OLFM2: variants seen among roughly 807,000 people sequenced by gnomAD.
OLFM2 encodes noelin-2.
OLFM2 carries 20 observed loss-of-function variants against 43.9 expected under a neutral mutation model. That is an observed-to-expected ratio of 0.46 (90% CI 0.32 to 0.66). OLFM2 has a LOEUF of 0.66. Among genes scored for constraint, OLFM2 ranks in the 30% least tolerant of loss-of-function variants. OLFM2 has a pLI of 0.04. For synonymous variants in OLFM2, 268 were observed against 278.6 expected (o/e 0.96, Z 0.38); for missense variants, 416 against 643.6 (o/e 0.65, Z 3.83).
At position 9,854,636 on chromosome 19, in the gene OLFM2, C is replaced by T. The variant is rs978870042; in HGVS notation, c.915G>A (p.Pro305=). 23 of 1,614,000 alleles carry T rather than the reference C, an allele frequency of 1.4e-5. No homozygotes were observed. Among genetic ancestry groups the T allele is most frequent in the South Asian group, 1.2e-4 (11 of 91,082 alleles). The change falls in exon 6 of 6, where the codon CCG becomes CCA. Residue 305 remains proline (P), a synonymous_variant. Transcript: ENST00000264833. This position sits in a 1 kb window ranked among gnomAD's most constrained non-coding sequence, Gnocchi z 9.5. ...SRSVLVQRSL[P]GAGYNNTFPY... is the part of the protein sequence containing the mutation. ...GGAAGGTGTTGTTGTAACCGGCGCC[C>T]GGGAGGCTCCTCTGCACCAGCACAG...
chr19:9,862,759 G>A lies in OLFM2; in HGVS notation c.64-1965C>T, dbSNP rs531682055. ...GGAAGTGGAGGCAGGTGGATCACCT[G>A]AGGTCAGGAGTTCCAGACCAGCTTA... On this transcript the variant is annotated intron_variant, in intron 1 of 5. Coordinates refer to ENST00000264833, the MANE Select transcript of OLFM2 (RefSeq NM_058164.4). Among the ~76,000 whole-genome samples, 6 of 152,150 alleles carry A rather than the reference G, an allele frequency of 3.9e-5. No individual in the cohort carries two copies. The South Asian group carries it at 6.2e-4, about 16-fold the overall frequency.
intron 1 of OLFM2, among the ~76,000 whole-genome samples, chr19:9,895,776 C>T (rs1447523018): frequency 6.6e-6 from 1 of 152,104 alleles, no homozygotes; most frequent in African/African-American, 2.4e-5. Context: ...GCTGGGATTA[C>T]AGGCCCACGC....
chr19:9,935,398 C>G (rs1388823901), intron 1 of OLFM2, among the ~76,000 whole-genome samples: 1 of 152,094 alleles, frequency 6.6e-6, no homozygotes, highest in Admixed American at 6.6e-5. Flanking sequence ...TTGCAAGCCT[C>G]CCTGAGCCTG....
intron 1 of OLFM2, among the ~76,000 whole-genome samples, chr19:9,867,208 TA>T (rs2046408579): frequency 6.6e-6 from 1 of 152,008 alleles, no homozygotes; most frequent in South Asian, 2.1e-4. Context: ...CCATCTCTAC[TA>T]AAAATACAAA....
intron 1 of OLFM2, among the ~76,000 whole-genome samples, chr19:9,874,201 C>T (rs1254964123): frequency 2.0e-5 from 3 of 152,126 alleles, no homozygotes; most frequent in African/African-American, 4.8e-5. Context: ...CAGGATCCCA[C>T]GTTACACTCA....
chr19:9,923,283 G>T (rs757613628), intron 1 of OLFM2, among the ~76,000 whole-genome samples: 3 of 151,740 alleles, frequency 2.0e-5, no homozygotes, highest in Admixed American at 6.6e-5. Context: ...AGCTGGGCAC[G>T]GTGGCTCATG....
chr19:9,917,340 T>A (rs979729883), intron 1 of OLFM2, among the ~76,000 whole-genome samples: 1 of 152,096 alleles, frequency 6.6e-6, no homozygotes, highest in African/African-American at 2.4e-5. Flanking sequence ...TTCCCGGTCC[T>A]TTATTTAATT....
chr19:9,899,492 C>A (rs1241190691), intron 1 of OLFM2, among the ~76,000 whole-genome samples: 1 of 152,110 alleles, frequency 6.6e-6, no homozygotes, highest in Non-Finnish European at 1.5e-5. Flanking sequence ...AAGAGCTTAC[C>A]CCAGTGACCC....
chr19:9,862,410 G>C (rs1033429006), intron 1 of OLFM2, among the ~76,000 whole-genome samples: 36 of 151,492 alleles, frequency 2.4e-4, no homozygotes, highest in Admixed American at 6.6e-5. Context: ...GGTGGCTCAC[G>C]CCTGTAATCC....
chr19:9,858,142 T>G (rs1345432775), intron 2 of OLFM2: 5 of 525,882 alleles, frequency 9.5e-6, no homozygotes, highest in African/African-American at 1.9e-5. Flanking sequence ...TGTAGTCAAT[T>G]CTCTACACAG....
intron 1 of OLFM2, among the ~76,000 whole-genome samples, chr19:9,889,394 G>A (rs2145463618): frequency 6.6e-6 from 1 of 152,024 alleles, no homozygotes; most frequent in East Asian, 1.9e-4. Flanking sequence ...GACTACAGGT[G>A]CATGCCACCA....
At chr19:9,924,728 C>T (rs1039432249) in intron 1 of OLFM2, among the ~76,000 whole-genome samples, 1 of 152,068 alleles carries the variant, frequency 6.6e-6, no homozygotes, top group Non-Finnish European at 1.5e-5. Context: ...TCAGTGGCCC[C>T]CACGCACCGT....
At chr19:9,913,697 A>C (rs2046849014) in intron 1 of OLFM2, 4 of 1,058,230 alleles carry the variant, frequency 3.8e-6, no homozygotes, top group Non-Finnish European at 2.3e-6. Context: ...GTCCCTCGAC[A>C]CCCAGGCGCC....
Position 9,933,533 on chromosome 19 carries a change from C to T in OLFM2, c.63+2771G>A, listed in dbSNP as rs372237908. 2.7e-3 allele frequency among the ~76,000 whole-genome samples: 411 copies of T among 150,996 alleles called. 2 individuals are homozygous for T. The highest frequency in any genetic ancestry group is 9.6e-3 in the African/African-American group (393 of 41,108). The stretch of plus-strand genomic sequence containing the variant: ...GATTACAGGCGTGAGCCTCCATGCC[C>T]GACTGCTATCACTCTAATCTTTTTT... On this transcript the variant is annotated intron_variant, in intron 1 of 5. Transcript: ENST00000264833.
In OLFM2 at chr19:9,856,834, G is replaced by T. The variant is rs1472413419; in HGVS notation, c.660C>A (p.Asp220Glu). 6.2e-7 allele frequency: 1 copy of T among 1,613,740 alleles called. No individual in the cohort carries two copies. The highest frequency in any genetic ancestry group is 1.1e-5 in the South Asian group (1 of 90,990). The change falls in exon 5 of 6, where the codon GAC (aspartate) becomes GAA (glutamate). Residue 220 changes from aspartate (D) to glutamate (E), a missense_variant. By Grantham distance (45) the Asp-to-Glu change is conservative. Transcript: ENST00000264833. The surrounding 1 kb of genome is among the most constrained non-coding windows in gnomAD (Gnocchi z 4.0). Reference protein sequence around the residue: ...MGSRFGSWMTDTMAPSADSRV... With the variant: ...MGSRFGSWMTETMAPSADSRV... ...GGCTATCCGCACTGGGGGCCATCGT[G>T]TCAGTCATCCAGGAGCCGAAGCGGG...
intron 1 of OLFM2, among the ~76,000 whole-genome samples, chr19:9,894,474 C>CT (rs2046666057): frequency 6.6e-6 from 1 of 151,120 alleles, no homozygotes; most frequent in Non-Finnish European, 1.5e-5. Flanking sequence ...CTTTGGGAGG[C>CT]TGAGGCGGGC....
intron 1 of OLFM2, among the ~76,000 whole-genome samples, chr19:9,923,757 G>A (rs964946791): frequency 6.6e-6 from 1 of 152,012 alleles, no homozygotes; most frequent in African/African-American, 2.4e-5. Flanking sequence ...ATCCTCCCAA[G>A]TAGCTGGGAC....
intron 1 of OLFM2, among the ~76,000 whole-genome samples, chr19:9,883,036 T>A (rs2046553540): frequency 6.8e-6 from 1 of 146,052 alleles, no homozygotes; most frequent in South Asian, 2.2e-4. Flanking sequence ...CCATCTCTAC[T>A]AAAAAAAAAA....
chr19:9,862,228 G>A lies in OLFM2; in HGVS notation c.64-1434C>T, dbSNP rs539124347. ...CTGCAGTGAGTGCTTTGAAGAAGTA[G>A]TGCAGGGAGTAACAGGGGGTCTTCC... On this transcript the variant is annotated intron_variant, in intron 1 of 5. Coordinates refer to ENST00000264833, the MANE Select transcript of OLFM2 (RefSeq NM_058164.4). 1.2e-4 allele frequency among the ~76,000 whole-genome samples: 18 copies of A among 152,296 alleles called. No individual in the cohort carries two copies. The East Asian group carries it at 3.3e-3, about 28-fold the overall frequency.
Sources: gnomAD v4.1 joint callset for allele counts (sites outside exome capture counted in the v4.1 genomes callset) on GRCh38, gnomAD v4.1.1 for gene constraint, Gnocchi (gnomAD v3.1) non-coding constraint, MANE v1.5 for transcripts, NCBI Gene and HGNC (gene_info 2026-07-23, HGNC 2026-07-21) for gene names.